The following NINL variants were observed in gnomAD, a reference collection of about 807,000 sequenced individuals.
NINL encodes ninein like, also known as ninein-like protein.
NINL carries 153 observed loss-of-function variants against 160.3 expected under a neutral mutation model. That is an observed-to-expected ratio of 0.95 (90% CI 0.84 to 1.09). The LOEUF (loss-of-function observed/expected upper bound fraction) is 1.09. Among genes scored for constraint, NINL ranks in the 50% least tolerant of loss-of-function variants. The pLI is 0.00. For synonymous variants in NINL, 800 were observed against 734.8 expected, an observed-to-expected ratio of 1.09 and a Z score of -1.43; for missense variants, 1,829 against 1,764.0, an observed-to-expected ratio of 1.04 and a Z score of -0.66.
intron 1 of NINL, among the ~76,000 whole-genome samples, chr20:25,565,595 G>T (rs756943960): frequency 1.9e-4 from 29 of 152,182 alleles, no homozygotes; most frequent in Non-Finnish European, 3.2e-4. Context: ...GAATTACAAT[G>T]GAGGGGCAAG....
intron 1 of NINL, among the ~76,000 whole-genome samples, chr20:25,569,972 A>G (rs1248890607): frequency 1.3e-5 from 2 of 152,048 alleles, no homozygotes; most frequent in Admixed American, 6.6e-5. Context: ...ATCACTCAGA[A>G]GATGGAGGCC....
chr20:25,534,606 T>C (rs1008584692), intron 1 of NINL, among the ~76,000 whole-genome samples: 2 of 152,082 alleles, frequency 1.3e-5, no homozygotes, highest in African/African-American at 4.8e-5. Flanking sequence ...TATCTAAACA[T>C]AGAAAAGGTA....
At position 25,567,544 on chromosome 20, in the gene NINL, T is replaced by A. The variant is rs116300892; in HGVS notation, c.-12+17911A>T. On this transcript the variant is annotated intron_variant, in intron 1 of 23. Coordinates refer to ENST00000278886, the MANE Select transcript of NINL (RefSeq NM_025176.6). ...AAAAGAAAGACCTAGACCTATCATA[T>A]TCAAACTGCAGGAACCCAAAACAAA... is the stretch of plus-strand genomic sequence containing the variant. Among the ~76,000 whole-genome samples, 1,338 of 152,160 alleles carry A rather than the reference T, an allele frequency of 8.8e-3. 17 individuals carry two copies. Among genetic ancestry groups the A allele is most frequent in the African/African-American group, 0.03 (1,265 of 41,508 alleles).
At chr20:25,578,392 G>A (rs910312873) in intron 1 of NINL, among the ~76,000 whole-genome samples, 2 of 152,004 alleles carry the variant, frequency 1.3e-5, no homozygotes, top group Non-Finnish European at 2.9e-5. Flanking sequence ...ACAGGTATAA[G>A]CCACCTCGCC....
At chr20:25,460,106 CTT>C (rs1163532208) in intron 21 of NINL, among the ~76,000 whole-genome samples, 11 of 152,162 alleles carry the variant, frequency 7.2e-5, no homozygotes, top group African/African-American at 1.2e-4. Context: ...CCCCATCCCT[CTT>C]GTCTGCTCTG....
intron 1 of NINL, among the ~76,000 whole-genome samples, chr20:25,541,406 C>T (rs1164059807): frequency 2.0e-5 from 3 of 152,220 alleles, no homozygotes; most frequent in African/African-American, 7.2e-5. Flanking sequence ...GGACTGTACA[C>T]ATCTCTAACC....
chr20:25,502,531 T>C (rs1313326352), intron 7 of NINL, among the ~76,000 whole-genome samples: 2 of 152,166 alleles, frequency 1.3e-5, no homozygotes, highest in East Asian at 1.9e-4. Flanking sequence ...GATGGATCCT[T>C]TGGCAACTGA....
At chr20:25,498,150 C>G (rs780200840) in intron 9 of NINL, 60 bp downstream of exon 9, 17 of 1,596,440 alleles carry the variant, frequency 1.1e-5, no homozygotes, top group Admixed American at 5.0e-5. Context: ...CCCAGACCCC[C>G]CTCCAGGCCC....
intron 1 of NINL, among the ~76,000 whole-genome samples, chr20:25,540,934 CCT>C (rs2064652490): frequency 8.8e-6 from 1 of 113,938 alleles, no homozygotes; most frequent in Admixed American, 9.9e-5. Context: ...AAAAGCTATC[CCT>C]TTTTTTTTTT....
chr20:25,569,322 C>T (rs1286973034), intron 1 of NINL, among the ~76,000 whole-genome samples: 2 of 151,512 alleles, frequency 1.3e-5, no homozygotes, highest in East Asian at 1.9e-4. Context: ...ACTTGAAAAC[C>T]AAACAGCAAG....
chr20:25,524,850 T>C (rs926450383), intron 2 of NINL, among the ~76,000 whole-genome samples: 1 of 151,516 alleles, frequency 6.6e-6, no homozygotes, highest in Non-Finnish European at 1.5e-5. Context: ...GTTTGATTTC[T>C]AAATTCTTGA....
intron 1 of NINL, among the ~76,000 whole-genome samples, chr20:25,577,153 G>C (rs1019118315): frequency 3.9e-5 from 6 of 152,238 alleles, no homozygotes; most frequent in Non-Finnish European, 8.8e-5. Context: ...TTGGGGCCTT[G>C]GAGAGCAGTG....
In NINL at chr20:25,455,677, T is replaced by C. The variant is rs934788749; in HGVS notation, c.3953A>G (p.Glu1318Gly). 1.2e-6 allele frequency: 2 copies of C among 1,612,284 alleles called. No homozygotes were observed. Among genetic ancestry groups the C allele is most frequent in the African/African-American group, 1.3e-5 (1 of 74,902 alleles). Residue 1318 changes from glutamate to glycine, a missense_variant, in exon 23 of 24, where the codon GAG (glutamate) becomes GGG (glycine). By Grantham distance (98) the Glu-to-Gly change is moderately conservative. Transcript: ENST00000278886. Reference sequence around the variant, plus strand: ...GCAGCAGCGCCCATCACTCACCTGCTCCTTCAGCTTATCCACTTTCTCTTG... The same window carrying C: ...GCAGCAGCGCCCATCACTCACCTGCCCCTTCAGCTTATCCACTTTCTCTTG... ...LLQEKVDKLKEQFEKNTKSDL... is the reference protein window; with the variant it reads ...LLQEKVDKLKGQFEKNTKSDL...
At chr20:25,486,575 A>G (rs1343024480) in intron 13 of NINL, among the ~76,000 whole-genome samples, 5 of 152,092 alleles carry the variant, frequency 3.3e-5, no homozygotes, top group Admixed American at 6.5e-5. Context: ...CACCCACCCC[A>G]CACACACCAG....
chr20:25,494,305 C>A (rs1601140049), intron 10 of NINL, among the ~76,000 whole-genome samples: 2 of 151,874 alleles, frequency 1.3e-5, no homozygotes, highest in African/African-American at 4.8e-5. Context: ...CTGCACCCTA[C>A]AGGCCCCAAG....
At chr20:25,548,381 A>G (rs1183925594) in intron 1 of NINL, among the ~76,000 whole-genome samples, 1 of 152,214 alleles carries the variant, frequency 6.6e-6, no homozygotes, top group African/African-American at 2.4e-5. Context: ...GGGAAATCAG[A>G]GGACACCAAG....
rs1261536576 is a variant in NINL at position 25,512,962 on chromosome 20, A to T, written c.322T>A (p.Trp108Arg). The change falls in exon 4 of 24, where the codon TGG (tryptophan) becomes AGG (arginine). Residue 108 changes from tryptophan to arginine, a missense_variant. Physicochemically the swap from Trp to Arg is moderately radical, Grantham distance 101 (BLOSUM62 -3). Coordinates refer to ENST00000278886, the MANE Select transcript of NINL (RefSeq NM_025176.6). The stretch of plus-strand genomic sequence containing the variant: ...TCAGGCCGGCTCCGACGGCCATACC[A>T]CTTAGAACCATTCACATACTTTGGA... ...IPPKYVNGSK[W>R]YGRRSRPELC... is the part of the protein sequence containing the mutation. The T allele has an allele frequency of 6.2e-7, 1 of 1,612,484 alleles. No individual in the cohort carries two copies. The highest frequency in any genetic ancestry group is 1.7e-5 in the Admixed American group (1 of 59,756).
intron 1 of NINL, among the ~76,000 whole-genome samples, chr20:25,569,838 A>G (rs2065034867): frequency 6.6e-6 from 1 of 152,054 alleles, no homozygotes; most frequent in African/African-American, 2.4e-5. Flanking sequence ...CTGTCAAGGA[A>G]CCACCCAGAG....
At chr20:25,540,930 T>C (rs1393447503) in intron 1 of NINL, among the ~76,000 whole-genome samples, 3 of 122,506 alleles carry the variant, frequency 2.4e-5, no homozygotes, top group Non-Finnish European at 5.5e-5. Context: ...TTTGAAAAGC[T>C]ATCCCTTTTT....
Sources: gnomAD v4.1 joint callset for allele counts (sites outside exome capture counted in the v4.1 genomes callset) on GRCh38, gnomAD v4.1.1 for gene constraint, MANE v1.5 for transcripts, NCBI Gene and HGNC (gene_info 2026-07-23, HGNC 2026-07-21) for gene names.